The following SLC25A47 variants were observed in gnomAD, a reference collection of about 807,000 sequenced individuals.
SLC25A47 encodes solute carrier family 25 member 47.
Under a neutral mutation model 29.8 loss-of-function variants are expected in SLC25A47, and 30 were observed. The ratio of observed to expected loss-of-function variants is 1.01; its 90% CI spans 0.75 to 1.36. SLC25A47 has a LOEUF of 1.36. Among genes scored for constraint, SLC25A47 ranks in the 40% most tolerant of loss-of-function variants. The pLI is 0.00. For missense variants in SLC25A47, 430 were observed against 441.9 expected (o/e 0.97, Z 0.24); for synonymous variants, 204 against 197.8 (o/e 1.03, Z -0.26).
intron 1 of SLC25A47, 150 bp downstream of exon 1, chr14:100,323,592 G>A (rs758230222): frequency 2.1e-6 from 2 of 951,562 alleles, no homozygotes; most frequent in Non-Finnish European, 1.6e-6. Context: ...CAGGTTCCTG[G>A]GAGGCTAAGG....
intron 5 of SLC25A47, 87 bp downstream of exon 5, chr14:100,329,131 G>A (rs1893400524): frequency 1.4e-6 from 2 of 1,454,086 alleles, no homozygotes; most frequent in South Asian, 2.5e-5. Flanking sequence ...CAGTACCCGA[G>A]TGGGGGCTTG....
Position 100,329,598 on chromosome 14 carries a change from G to A in SLC25A47, c.880G>A (p.Val294Ile), listed in dbSNP as rs188750813. 5.1e-5 allele frequency: 83 copies of A among 1,613,610 alleles called. No homozygotes were observed. The highest frequency in any genetic ancestry group is 4.0e-4 in the East Asian group (18 of 44,878). Residue 294 changes from valine to isoleucine, a missense_variant, in exon 6 of 6, where the codon GTC (valine) becomes ATC (isoleucine). Physicochemically the swap from Val to Ile is conservative, Grantham distance 29. Coordinates refer to ENST00000361529, the MANE Select transcript of SLC25A47 (RefSeq NM_207117.4). ...CTTCCCTGTCAACATGGTGGTCTTC[G>A]TCGCCTATGAGGCAGTGCTGAGGCT... is the stretch of plus-strand genomic sequence containing the variant. ...RAFPVNMVVF[V>I]AYEAVLRLAR...
chr14:100,323,519 G>T (rs1289217545), intron 1 of SLC25A47, 77 bp downstream of exon 1: 30 of 1,568,448 alleles, frequency 1.9e-5, no homozygotes, highest in Non-Finnish European at 2.5e-5. Flanking sequence ...CCAGGAAGGT[G>T]CTGGGCAGCA....
chr14:100,327,095 A>ACAGC lies in SLC25A47; in HGVS notation c.145-92_145-89dup, dbSNP rs987435702. On this transcript the variant is annotated intron_variant, in intron 3 of 5. Coordinates refer to ENST00000361529, the MANE Select transcript of SLC25A47 (RefSeq NM_207117.4). The stretch of plus-strand genomic sequence containing the variant: ...CCGTGAATGACCTTCCCGAGGTCCG[A>ACAGC]CAGCGGAGTGCGGAGCAGGGCTGAG... 11 of 1,282,296 alleles carry ACAGC rather than the reference A, an allele frequency of 8.6e-6. No individual in the cohort carries two copies. The African/African-American group carries it at 1.2e-4, about 14-fold the overall frequency. The allele number at this position is 1,282,296 out of a possible 1,614,324, so 79.4% of individuals were successfully genotyped here.
chr14:100,327,165 C>T, intron 3 of SLC25A47, 23 bp from the exon 4 acceptor site: 2 of 1,584,230 alleles, frequency 1.3e-6, no homozygotes, highest in Non-Finnish European at 1.7e-6. Flanking sequence ...GGGCCCTAGC[C>T]TGACCTGGAT....
At chr14:100,328,055 A>G (rs1893372342) in intron 4 of SLC25A47, among the ~76,000 whole-genome samples, 1 of 151,912 alleles carries the variant, frequency 6.6e-6, no homozygotes, top group Non-Finnish European at 1.5e-5. Context: ...CCCAGCACAC[A>G]TATGTGGAGT....
rs150910127 is a variant in SLC25A47, at chr14:100,328,928, G to C, written c.530G>C (p.Gly177Ala). ...GTAGCCCGTGAGGAGGGGCTGTGCG[G>C]CCTCTACAAGGGCAGCTCGGCCCTG... Reference protein sequence around the residue: ...ATVAREEGLCGLYKGSSALVL... With the variant: ...ATVAREEGLCALYKGSSALVL... The change falls in exon 5 of 6, where the codon GGC becomes GCC. Residue 177 changes from glycine (G) to alanine (A), a missense_variant. Transcript: ENST00000361529. 28 of 1,607,792 alleles carry C rather than the reference G, an allele frequency of 1.7e-5. No homozygotes were observed. Among genetic ancestry groups the C allele is most frequent in the Non-Finnish European group, 2.2e-5 (26 of 1,179,862 alleles).
rs113077591 is a variant in SLC25A47, at chr14:100,328,923, G to A, written c.525G>A (p.Leu175=). The change falls in exon 5 of 6, where the codon CTG becomes CTA. Residue 175 remains leucine, a synonymous_variant. Transcript: ENST00000361529. The part of the protein sequence containing the change: ...CLATVAREEG[L]CGLYKGSSAL... The stretch of plus-strand genomic sequence containing the variant: ...CCACGGTAGCCCGTGAGGAGGGGCT[G>A]TGCGGCCTCTACAAGGGCAGCTCGG... 2.0e-4 allele frequency: 318 copies of A among 1,608,552 alleles called. 2 individuals carry two copies. The African/African-American group carries it at 2.4e-3, about 12-fold the overall frequency.
At position 100,329,526 on chromosome 14, in the gene SLC25A47, G is replaced by C; in HGVS notation, c.808G>C (p.Gly270Arg). 1 of 1,613,548 alleles carries C rather than the reference G, an allele frequency of 6.2e-7. No homozygotes were observed. Residue 270 changes from glycine (G) to arginine (R), a missense_variant, in exon 6 of 6, where the codon GGA becomes CGA. Physicochemically the swap from Gly to Arg is moderately radical, Grantham distance 125. Transcript: ENST00000361529. ...TATGGTGACCAGCGTTCGAGAGGAG[G>C]GACCCCGGGTCCTTTTCAAGGGGCT... is the stretch of plus-strand genomic sequence containing the variant. ...HCMVTSVREE[G>R]PRVLFKGLVL...
Position 100,328,856 on chromosome 14 carries a change from C to G in SLC25A47, c.458C>G (p.Ala153Gly), listed in dbSNP as rs1191765854. 2 of 1,612,304 alleles carry G rather than the reference C, an allele frequency of 1.2e-6. No individual in the cohort carries two copies. Among genetic ancestry groups the G allele is most frequent in the Non-Finnish European group, 1.7e-6 (2 of 1,179,754 alleles). ...AVPPMCPVPP[A>G]CPEPKYRGPL... The stretch of plus-strand genomic sequence containing the variant: ...CCCCCCATGTGTCCTGTGCCCCCAG[C>G]CTGCCCAGAGCCCAAGTACCGCGGG... The change falls in exon 5 of 6, where the codon GCC (alanine) becomes GGC (glycine). Residue 153 changes from alanine to glycine, a missense_variant. Coordinates refer to ENST00000361529, the MANE Select transcript of SLC25A47 (RefSeq NM_207117.4).
intron 2 of SLC25A47, 83 bp from the exon 3 acceptor site, chr14:100,326,072 AGT>A: frequency 1.6e-6 from 2 of 1,218,194 alleles, no homozygotes; most frequent in Non-Finnish European, 2.4e-6. Context: ...GACAATCAAG[AGT>A]GTGACTCTGC....
chr14:100,327,055 A>ACTGAGGCC, intron 3 of SLC25A47, 133 bp from the exon 4 acceptor site: 1 of 839,634 alleles, frequency 1.2e-6, no homozygotes, highest in Non-Finnish European at 1.8e-6. Flanking sequence ...AGCAGAGGAA[A>ACTGAGGCC]CTGAGGCCCT....
At position 100,327,381 on chromosome 14, in the gene SLC25A47, G is replaced by A; in HGVS notation, c.327+11G>A. 1 of 1,582,842 alleles carries A rather than the reference G, an allele frequency of 6.3e-7. No individual in the cohort carries two copies. Among genetic ancestry groups the A allele is most frequent in the Non-Finnish European group, 8.5e-7 (1 of 1,170,416 alleles). ...TCCGGCCTCGTCCGCGTGAGTAGGG[G>A]CAGCCAGGGTGGGGAAGGCCCAAGA... is the stretch of plus-strand genomic sequence containing the variant. On this transcript the variant is annotated intron_variant, in intron 4 of 5. Coordinates refer to ENST00000361529, the MANE Select transcript of SLC25A47 (RefSeq NM_207117.4).
chr14:100,326,881 G>A (rs991812405), intron 3 of SLC25A47, among the ~76,000 whole-genome samples: 5 of 152,192 alleles, frequency 3.3e-5, no homozygotes, highest in African/African-American at 9.6e-5. Context: ...GGCTGAGGCA[G>A]GAGAATCGCT....
chr14:100,329,325 C>T (rs763718088), intron 5 of SLC25A47, 40 bp from the exon 6 acceptor site: 16 of 1,549,008 alleles, frequency 1.0e-5, no homozygotes, highest in African/African-American at 9.5e-5. Context: ...CTGGGCGCCC[C>T]GATCAGGCTC....
At position 100,329,397 on chromosome 14, in the gene SLC25A47, G is replaced by A. The variant is rs1893406323; in HGVS notation, c.679G>A (p.Ala227Thr). The change falls in exon 6 of 6, where the codon GCA becomes ACA. Residue 227 changes from alanine to threonine, a missense_variant. Ala to Thr is a moderately conservative substitution (Grantham distance 58, BLOSUM62 0). Transcript: ENST00000361529. ...VPGVLVAGGCAGVLAWAVATP... is the reference protein window; with the variant it reads ...VPGVLVAGGCTGVLAWAVATP... ...GGGCGTGCTGGTGGCCGGGGGCTGT[G>A]CAGGAGTCCTGGCCTGGGCTGTGGC... 1.9e-6 allele frequency: 3 copies of A among 1,610,776 alleles called. No individual in the cohort carries two copies. The highest frequency in any genetic ancestry group is 1.7e-5 in the Admixed American group (1 of 59,894).
At chr14:100,329,086 G>A in intron 5 of SLC25A47, 42 bp downstream of exon 5, 2 of 1,581,924 alleles carry the variant, frequency 1.3e-6, no homozygotes. Flanking sequence ...GAGCCCAGAA[G>A]GATGAGGAGG....
intron 5 of SLC25A47, 60 bp downstream of exon 5, chr14:100,329,104 G>A: frequency 6.4e-7 from 1 of 1,550,812 alleles, no homozygotes; most frequent in Non-Finnish European, 8.7e-7. Flanking sequence ...AGGTCAAGGT[G>A]AGGTCGTGCT....
intron 5 of SLC25A47, 148 bp downstream of exon 5, chr14:100,329,192 A>G: frequency 8.3e-7 from 1 of 1,204,390 alleles, no homozygotes; most frequent in South Asian, 1.5e-5. Flanking sequence ...CCCAACACCA[A>G]GAGTCAGGAC....
Sources: allele counts gnomAD v4.1 joint callset (sites outside exome capture counted in the v4.1 genomes callset), GRCh38; gene constraint gnomAD v4.1.1; transcripts MANE v1.5; gene names NCBI Gene and HGNC (gene_info 2026-07-23, HGNC 2026-07-21).